CFAP43: variants seen among roughly 807,000 people sequenced by gnomAD.
CFAP43 encodes the protein cilia and flagella associated protein 43, also known as cilia- and flagella-associated protein 43.
A neutral mutation model predicts 218.9 loss-of-function variants in CFAP43; 155 were observed. The ratio of observed to expected loss-of-function variants is 0.71; its 90% CI spans 0.62 to 0.81. The LOEUF is 0.81. CFAP43 is among the 30% of genes least tolerant of loss of function. The pLI, the probability that CFAP43 is intolerant of heterozygous loss-of-function variation, is 0.00. For missense variants in CFAP43, 1,778 were observed against 1,954.3 expected, an observed-to-expected ratio of 0.91 and a Z score of 1.70; for synonymous variants, 645 against 681.3, an observed-to-expected ratio of 0.95 and a Z score of 0.83.
intron 27 of CFAP43, among the ~76,000 whole-genome samples, chr10:104,159,424 G>A (rs2088755424): frequency 6.6e-6 from 1 of 152,128 alleles, no homozygotes; most frequent in Non-Finnish European, 1.5e-5. Context: ...ATTATAGCAT[G>A]TGTCTACACT....
chr10:104,216,046 A>T (rs1216972764), intron 3 of CFAP43, among the ~76,000 whole-genome samples: 4 of 151,686 alleles, frequency 2.6e-5, no homozygotes, highest in Non-Finnish European at 4.4e-5. Flanking sequence ...TACCATCCTC[A>T]AAAGAAGCCT....
intron 12 of CFAP43, among the ~76,000 whole-genome samples, chr10:104,189,898 T>C (rs183227637): frequency 0.01 from 1,577 of 152,044 alleles, 18 homozygotes; most frequent in African/African-American, 0.032. Flanking sequence ...CCAGGCGTGG[T>C]GGCTCACGCC....
intron 28 of CFAP43, among the ~76,000 whole-genome samples, chr10:104,148,853 T>G (rs2088108946): frequency 6.6e-6 from 1 of 152,230 alleles, no homozygotes; most frequent in African/African-American, 2.4e-5. Context: ...CCTAGCCACT[T>G]CAGTATAACT....
In CFAP43 at chr10:104,230,658, T is replaced by G; in HGVS notation, c.251A>C (p.Asp84Ala). Residue 84 changes from aspartate (D) to alanine (A), a missense_variant, in exon 2 of 38, where the codon GAC becomes GCC. This residue lies in a region of CFAP43 where 1,553 missense variants were observed against 1,685.2 expected (regional missense o/e 0.92). Transcript: ENST00000357060. ...GTAGATGAGAGGTTTTAGCTTCCGG[T>G]CAGAAAAAGCCACAACTTCACAGGG... Reference protein sequence around the residue: ...NIPCEVVAFSDRKLKPLIYVY... With the variant: ...NIPCEVVAFSARKLKPLIYVY... The G allele has an allele frequency of 6.2e-7, 1 of 1,614,136 alleles. No homozygotes were observed. The highest frequency in any genetic ancestry group is 8.5e-7 in the Non-Finnish European group (1 of 1,180,020).
chr10:104,214,942 C>A (rs2090973172), intron 3 of CFAP43, among the ~76,000 whole-genome samples: 1 of 152,060 alleles, frequency 6.6e-6, no homozygotes, highest in South Asian at 2.1e-4. Context: ...TCAAGACCAG[C>A]CTGGCCAATA....
chr10:104,192,058 C>T, intron 12 of CFAP43, 141 bp downstream of exon 12: 1 of 625,438 alleles, frequency 1.6e-6, no homozygotes, highest in Non-Finnish European at 2.7e-6. Flanking sequence ...TCCTAAGTAA[C>T]TTTAGTTATT....
rs764309862 is a variant in CFAP43 at position 104,230,840 on chromosome 10, C to T, written c.69G>A (p.Trp23Ter). 1 of 1,603,288 alleles carries T rather than the reference C, an allele frequency of 6.2e-7. No homozygotes were observed. Among genetic ancestry groups the T allele is most frequent in the East Asian group, 2.2e-5 (1 of 44,828 alleles). ...CATTCTGCTTAGGGAATCCTTGCAC[C>T]CATCTTTGGGAAAAGATATGTCAAC... is the stretch of plus-strand genomic sequence containing the variant. ...SAGGASLSVR[W>*]VQGFPKQNVH... is the part of the protein sequence containing the mutation. The change falls in exon 2 of 38, where the codon TGG becomes TGA. Residue 23 changes from tryptophan to a stop codon, truncating the protein, a stop_gained. Transcript: ENST00000357060. LOFTEE classifies it high-confidence loss of function.
In CFAP43 at chr10:104,152,487, A is replaced by G. The variant is rs536310654; in HGVS notation, c.3660+120T>C. ...GTGCACAAGATGAGACTGGAGAGGG[A>G]CGCAGGGCCCAGAGCATACAAGATC... On this transcript the variant is annotated intron_variant, in intron 28 of 37. Transcript: ENST00000357060. 2.9e-6 allele frequency: 4 copies of G among 1,385,862 alleles called. No homozygotes were observed. The South Asian group carries it at 3.9e-5, about 13-fold the overall frequency. 85.8% of individuals were successfully genotyped at this position (1,385,862 alleles called of 1,614,324 possible).
chr10:104,166,418 A>G (rs1230332832), intron 23 of CFAP43, 70 bp downstream of exon 23: 5 of 1,101,472 alleles, frequency 4.5e-6, no homozygotes, highest in East Asian at 2.5e-5. Flanking sequence ...TTTGTTTTCA[A>G]TGTGAGGCCT....
chr10:104,171,644 G>T (rs2089418277), intron 20 of CFAP43, among the ~76,000 whole-genome samples: 1 of 152,226 alleles, frequency 6.6e-6, no homozygotes, highest in South Asian at 2.1e-4. Flanking sequence ...AGCAGGTTGA[G>T]AAAGAGGTAG....
chr10:104,182,917 C>T (rs1426748665), intron 16 of CFAP43, among the ~76,000 whole-genome samples: 3 of 151,992 alleles, frequency 2.0e-5, no homozygotes, highest in Non-Finnish European at 2.9e-5. Context: ...TCATGGGTTC[C>T]AGGCCATGAC....
intron 27 of CFAP43, among the ~76,000 whole-genome samples, chr10:104,157,773 TGTGAGAGAGA>T (rs1373857573): frequency 1.9e-4 from 19 of 98,132 alleles, no homozygotes; most frequent in African/African-American, 4.7e-4. Context: ...TGTGTGTGTG[TGTGAGAGAGA>T]GAGAGAGAGA....
At chr10:104,207,901 T>A in intron 5 of CFAP43, 77 bp from the exon 6 acceptor site, 1 of 1,436,780 alleles carries the variant, frequency 7.0e-7, no homozygotes, top group South Asian at 1.4e-5. Flanking sequence ...CCAGAACAAC[T>A]GACAAAAAGG....
chr10:104,187,140 T>C (rs1228518574), intron 14 of CFAP43, among the ~76,000 whole-genome samples, 180 bp downstream of exon 14: 2 of 152,188 alleles, frequency 1.3e-5, no homozygotes, highest in African/African-American at 4.8e-5. Flanking sequence ...TCAAATATAT[T>C]GTATGATGGA....
intron 27 of CFAP43, 42 bp downstream of exon 27, chr10:104,160,995 C>T (rs758274982): frequency 3.2e-6 from 5 of 1,552,272 alleles, no homozygotes; most frequent in Non-Finnish European, 4.4e-6. Flanking sequence ...TTAAACAGCA[C>T]TCTGGATATG....
At chr10:104,132,080 T>C (rs1157310105) in intron 36 of CFAP43, 36 bp downstream of exon 36, 1 of 1,452,746 alleles carries the variant, frequency 6.9e-7, no homozygotes, top group Admixed American at 2.0e-5. Context: ...GATTTACAAC[T>C]GTTAGGATAT....
In CFAP43 at chr10:104,146,244, G is replaced by C. The variant is rs183205774; in HGVS notation, c.3855+19C>G. The C allele has an allele frequency of 1.5e-4, 244 of 1,602,344 alleles. 2 individuals are homozygous for C. The African/African-American group carries it at 3.0e-3, about 20-fold the overall frequency. ...ACAACTCTACTGCATTGTTGAGTGG[G>C]TAAGACAACAACTCTCACTTTGTCT... On this transcript the variant is annotated intron_variant, in intron 30 of 37. Transcript: ENST00000357060.
chr10:104,157,690 C>A (rs1041251712), intron 27 of CFAP43, among the ~76,000 whole-genome samples: 2 of 149,410 alleles, frequency 1.3e-5, no homozygotes, highest in Non-Finnish European at 1.5e-5. Context: ...GAGAAAAGAA[C>A]CCTGTGCTGT....
At chr10:104,218,673 C>T (rs1434547537) in intron 3 of CFAP43, 8 of 462,296 alleles carry the variant, frequency 1.7e-5, no homozygotes, top group East Asian at 5.0e-5. Flanking sequence ...TTGAGGTAGT[C>T]CCTGGGTCAG....
Sources: allele counts gnomAD v4.1 joint callset (sites outside exome capture counted in the v4.1 genomes callset), GRCh38; gene constraint gnomAD v4.1.1; regional missense constraint gnomAD v4.1.1; transcripts MANE v1.5; gene names NCBI Gene and HGNC (gene_info 2026-07-23, HGNC 2026-07-21).